The following COL26A1 variants were observed in gnomAD, a reference collection of about 807,000 sequenced individuals.
COL26A1 encodes the protein collagen type XXVI alpha 1 chain.
A neutral mutation model predicts 59.3 loss-of-function variants in COL26A1; 41 were observed. The observed-to-expected ratio is 0.69, with a 90% CI of 0.54 to 0.90. COL26A1 has a LOEUF of 0.90. Among genes scored for constraint, COL26A1 ranks in the 40% least tolerant of loss-of-function variants. COL26A1 has a pLI of 0.00. For synonymous variants in COL26A1, 266 were observed against 256.0 expected (o/e 1.04, Z -0.37); for missense variants, 612 against 602.3 (o/e 1.02, Z -0.17).
At chr7:101,553,513 C>CAGGGG in intron 11 of COL26A1, 137 bp downstream of exon 11, 1 of 717,766 alleles carries the variant, frequency 1.4e-6, no homozygotes, top group Non-Finnish European at 2.2e-6. Context: ...GTGTACAGGG[C>CAGGGG]CCCTGCCCTG....
At chr7:101,489,789 T>G (rs1368343246) in intron 3 of COL26A1, among the ~76,000 whole-genome samples, 4 of 1,958 alleles carry the variant, frequency 2.0e-3, no homozygotes, top group East Asian at 0.019. Context: ...TTTCTTTCTT[T>G]CTTTCTTTCT....
At chr7:101,553,451 A>G (rs1236142592) in intron 11 of COL26A1, 75 bp downstream of exon 11, 2 of 1,469,730 alleles carry the variant, frequency 1.4e-6, no homozygotes, top group Non-Finnish European at 1.9e-6. Context: ...CAGGTGCCCC[A>G]CAGATCTGCG....
intron 3 of COL26A1, among the ~76,000 whole-genome samples, chr7:101,522,180 G>A (rs1432548408): frequency 6.6e-6 from 1 of 151,954 alleles, no homozygotes; most frequent in East Asian, 1.9e-4. Flanking sequence ...CCTCACACCC[G>A]CATTGGTCAG....
At chr7:101,539,319 T>TGTGTGTGTGTGTGTGTGTGC (rs1795555329) in intron 4 of COL26A1, among the ~76,000 whole-genome samples, 1 of 148,370 alleles carries the variant, frequency 6.7e-6, no homozygotes, top group African/African-American at 2.5e-5. Context: ...TGTGTGTGTG[T>TGTGTGTGTGTGTGTGTGTGC]GCGTATGTGT....
intron 1 of COL26A1, among the ~76,000 whole-genome samples, chr7:101,374,049 C>T (rs773502621): frequency 1.9e-4 from 29 of 152,134 alleles, no homozygotes; most frequent in Non-Finnish European, 2.2e-4. Flanking sequence ...AGAGGATTTT[C>T]GGGAATGTTA....
At chr7:101,386,443 T>G (rs984084947) in intron 1 of COL26A1, among the ~76,000 whole-genome samples, 1 of 151,826 alleles carries the variant, frequency 6.6e-6, no homozygotes, top group African/African-American at 2.4e-5. Flanking sequence ...TTTTTTGAGA[T>G]AGGGTTTCAC....
chr7:101,394,587 T>TTTC (rs1293441857), intron 1 of COL26A1, among the ~76,000 whole-genome samples: 3 of 114,140 alleles, frequency 2.6e-5, no homozygotes, highest in African/African-American at 1.2e-4. Context: ...TTTCTTTTCT[T>TTTC]TTTTTTTTTT....
chr7:101,524,256 G>A (rs1443078863), intron 3 of COL26A1, among the ~76,000 whole-genome samples: 1 of 149,296 alleles, frequency 6.7e-6, no homozygotes, highest in African/African-American at 2.5e-5. Flanking sequence ...GGGTGACAGA[G>A]TGAGACTCTG....
chr7:101,535,318 G>C (rs1011585674), intron 4 of COL26A1, among the ~76,000 whole-genome samples: 1 of 152,206 alleles, frequency 6.6e-6, no homozygotes, highest in African/African-American at 2.4e-5. Context: ...TTTAGAAAAG[G>C]CAGGGTCCCC....
At chr7:101,543,432 G>A (rs942835096) in intron 5 of COL26A1, among the ~76,000 whole-genome samples, 1 of 152,126 alleles carries the variant, frequency 6.6e-6, no homozygotes, top group African/African-American at 2.4e-5. Context: ...AGCCTCCTAA[G>A]GTGCTGAGCA....
chr7:101,395,533 G>C (rs928010350), intron 1 of COL26A1, among the ~76,000 whole-genome samples: 1 of 152,322 alleles, frequency 6.6e-6, no homozygotes, highest in Middle Eastern at 3.4e-3. Flanking sequence ...GTCTGCAGGG[G>C]TTCCTGGGAA....
chr7:101,501,911 A>G (rs1040486449), intron 3 of COL26A1, among the ~76,000 whole-genome samples: 2 of 152,140 alleles, frequency 1.3e-5, no homozygotes, highest in African/African-American at 2.4e-5. Context: ...GTGTGTGTGC[A>G]TAGTGAGTAC....
intron 3 of COL26A1, among the ~76,000 whole-genome samples, chr7:101,492,599 AG>A (rs1342103813): frequency 3.3e-5 from 5 of 151,780 alleles, no homozygotes; most frequent in African/African-American, 1.2e-4. Flanking sequence ...CAGGAGGCTG[AG>A]GCAGAAGAAT....
At chr7:101,421,316 G>A (rs758688081) in intron 2 of COL26A1, among the ~76,000 whole-genome samples, 26 of 152,228 alleles carry the variant, frequency 1.7e-4, no homozygotes, top group Non-Finnish European at 2.9e-4. Context: ...TAAAGCCTTC[G>A]ACTGATTGGA....
chr7:101,512,040 C>A (rs10241776), intron 3 of COL26A1, among the ~76,000 whole-genome samples: 1 of 151,988 alleles, frequency 6.6e-6, no homozygotes, highest in Non-Finnish European at 1.5e-5. Flanking sequence ...CAACCGAATT[C>A]ATAAGGCAGG....
rs760441457 is a variant in COL26A1 at position 101,447,644 on chromosome 7, G to A, written c.282-40G>A. The A allele has an allele frequency of 2.0e-5, 27 of 1,339,816 alleles. No homozygotes were observed. In the South Asian group the frequency reaches 3.3e-4, roughly 16 times the overall value. 83.0% of individuals were successfully genotyped at this position (1,339,816 alleles called of 1,614,324 possible). A position where few individuals can be genotyped will look rare whatever the true frequency, so the allele number is the denominator to read the frequency against. On this transcript the variant is annotated intron_variant, in intron 2 of 12. Coordinates refer to ENST00000313669, the MANE Select transcript of COL26A1 (RefSeq NM_001278563.3). ...CAGCAGTGGGGTCTGGAGGTGGGTGGGTGGGAGCTCATGCCCCCCTGACGC... is the reference window on the plus strand; with the variant it reads ...CAGCAGTGGGGTCTGGAGGTGGGTGAGTGGGAGCTCATGCCCCCCTGACGC...
chr7:101,522,804 CCTCT>C (rs1795164686), intron 3 of COL26A1, among the ~76,000 whole-genome samples: 2 of 148,946 alleles, frequency 1.3e-5, no homozygotes, highest in East Asian at 3.9e-4. Flanking sequence ...TGCTCCGCAT[CCTCT>C]CTAATACTTG....
At chr7:101,454,123 G>A (rs969984583) in intron 3 of COL26A1, among the ~76,000 whole-genome samples, 2 of 152,120 alleles carry the variant, frequency 1.3e-5, no homozygotes, top group Non-Finnish European at 2.9e-5. Context: ...TGGATATGGG[G>A]CACAGTAGCA....
At chr7:101,467,317 G>A (rs1793786951) in intron 3 of COL26A1, among the ~76,000 whole-genome samples, 2 of 150,810 alleles carry the variant, frequency 1.3e-5, no homozygotes, top group Non-Finnish European at 3.0e-5. Flanking sequence ...GATAGAGAGG[G>A]GCTGCCGAGT....
Sources: gnomAD v4.1 joint callset for allele counts (sites outside exome capture counted in the v4.1 genomes callset) on GRCh38, gnomAD v4.1.1 for gene constraint, MANE v1.5 for transcripts, NCBI Gene and HGNC (gene_info 2026-07-23, HGNC 2026-07-21) for gene names.